The following PPP2R2B variants were observed in gnomAD, a reference collection of about 807,000 sequenced individuals.
PPP2R2B encodes the protein serine/threonine-protein phosphatase 2A 55 kDa regulatory subunit B beta isoform.
In PPP2R2B, 5 loss-of-function variants were observed where a neutral mutation model predicts 46.0. The observed-to-expected ratio is 0.11, with a 90% CI of 0.06 to 0.23. The LOEUF (loss-of-function observed/expected upper bound fraction) is 0.23, where lower values mean the gene tolerates loss of function less well. PPP2R2B is among the 10% of genes least tolerant of loss of function. PPP2R2B has a pLI of 1.00. For synonymous variants in PPP2R2B, 215 were observed against 206.7 expected (o/e 1.04, Z -0.34); for missense variants, 367 against 575.0 (o/e 0.64, Z 3.70).
intron 1 of PPP2R2B, among the ~76,000 whole-genome samples, chr5:146,964,412 G>A (rs1752313447): frequency 6.6e-6 from 1 of 151,802 alleles, no homozygotes; most frequent in East Asian, 2.0e-4. Context: ...GTTTGACTTG[G>A]TGCTTCGCAG....
At position 146,589,914 on chromosome 5, in the gene PPP2R2B, G is replaced by T; in HGVS notation, c.*33C>A. ...TAAAAACTTGTTTGACTAGTATTCA[G>T]TATGTGAGATTATTAAGTAATAACT... is the stretch of plus-strand genomic sequence containing the variant. On this transcript the variant is annotated 3_prime_UTR_variant, in exon 10 of 10. Transcript: ENST00000394411. The T allele has an allele frequency of 6.3e-7, 1 of 1,594,004 alleles. No homozygotes were observed. Among genetic ancestry groups the T allele is most frequent in the Non-Finnish European group, 8.6e-7 (1 of 1,163,376 alleles).
At chr5:147,044,336 G>T (rs1756454831) in intron 1 of PPP2R2B, among the ~76,000 whole-genome samples, 2 of 152,128 alleles carry the variant, frequency 1.3e-5, no homozygotes, top group African/African-American at 4.8e-5. Context: ...TTGCTATCTG[G>T]TCAGGAATGT....
At position 146,912,753 on chromosome 5, in the gene PPP2R2B, C is replaced by G. The variant is rs138257589; in HGVS notation, c.79+142912G>C. ...TGAACTCCTGACCTTGTGATCCGCTCGCTTCGGCCTCCCAAAGTGCTGGGA... is the reference window on the plus strand; with the variant it reads ...TGAACTCCTGACCTTGTGATCCGCTGGCTTCGGCCTCCCAAAGTGCTGGGA... On this transcript the variant is annotated intron_variant, in intron 1 of 8. Transcript: ENST00000336640. Among the ~76,000 whole-genome samples, 150 of 152,156 alleles carry G rather than the reference C, an allele frequency of 9.9e-4. 2 individuals are homozygous for G. In the East Asian group the frequency reaches 0.025, roughly 25 times the overall value.
chr5:146,927,705 C>A (rs925695276), intron 1 of PPP2R2B, among the ~76,000 whole-genome samples: 28 of 151,926 alleles, frequency 1.8e-4, no homozygotes, highest in Admixed American at 1.7e-3. Flanking sequence ...TTATATGGAT[C>A]AGAAGATGAG....
intron 2 of PPP2R2B, among the ~76,000 whole-genome samples, chr5:146,708,389 C>A (rs2151177920): frequency 7.5e-6 from 1 of 133,394 alleles, no homozygotes; most frequent in South Asian, 2.5e-4. Flanking sequence ...ATCTGTATAT[C>A]TATGTATGTG....
intron 1 of PPP2R2B, among the ~76,000 whole-genome samples, chr5:146,934,526 G>A (rs2151824471): frequency 6.9e-6 from 1 of 145,310 alleles, no homozygotes; most frequent in Middle Eastern, 3.6e-3. Context: ...TTTTGATGGG[G>A]TTGGACAAAC....
chr5:146,660,139 A>T (rs541724223), intron 5 of PPP2R2B, among the ~76,000 whole-genome samples: 1 of 152,278 alleles, frequency 6.6e-6, no homozygotes, highest in South Asian at 2.1e-4. Flanking sequence ...CCAATTATCA[A>T]AGCAACCTGG....
At chr5:146,815,148 C>G (rs933914301) in intron 2 of PPP2R2B, among the ~76,000 whole-genome samples, 1 of 152,206 alleles carries the variant, frequency 6.6e-6, no homozygotes, top group Non-Finnish European at 1.5e-5. Context: ...CTGGCACTGC[C>G]TACACTAGTC....
intron 2 of PPP2R2B, among the ~76,000 whole-genome samples, chr5:146,809,237 G>C (rs1215807760): frequency 6.6e-6 from 1 of 152,104 alleles, no homozygotes; most frequent in Non-Finnish European, 1.5e-5. Flanking sequence ...GCAAATAATG[G>C]AGACAGAAAT....
intron 2 of PPP2R2B, among the ~76,000 whole-genome samples, chr5:146,780,077 C>T (rs1485902029): frequency 6.6e-6 from 1 of 152,128 alleles, no homozygotes; most frequent in Admixed American, 6.5e-5. Flanking sequence ...AAATTTTTCT[C>T]CACTACAGTA....
intron 1 of PPP2R2B, among the ~76,000 whole-genome samples, chr5:147,017,431 A>G (rs1050863847): frequency 1.3e-5 from 2 of 151,526 alleles, no homozygotes; most frequent in Non-Finnish European, 2.9e-5. Context: ...CGAGCTGGAG[A>G]TAACATTTGT....
At chr5:146,847,281 C>T (rs1462959926) in intron 2 of PPP2R2B, among the ~76,000 whole-genome samples, 1 of 152,182 alleles carries the variant, frequency 6.6e-6, no homozygotes, top group East Asian at 1.9e-4. Context: ...TCAATTCAGC[C>T]TTTAATTCCT....
chr5:146,960,490 A>G (rs969149397), intron 1 of PPP2R2B, among the ~76,000 whole-genome samples: 1 of 152,112 alleles, frequency 6.6e-6, no homozygotes, highest in Non-Finnish European at 1.5e-5. Flanking sequence ...GGGTTTCACC[A>G]TGTTGGTCAG....
At chr5:147,075,568 A>T (rs1481906505) in intron 2 of PPP2R2B, among the ~76,000 whole-genome samples, 1 of 152,050 alleles carries the variant, frequency 6.6e-6, no homozygotes, top group Non-Finnish European at 1.5e-5. Flanking sequence ...ATACCTTTGT[A>T]CCTCATAGCT....
chr5:146,781,131 G>GATATATATATAC (rs1755487277), intron 2 of PPP2R2B, among the ~76,000 whole-genome samples: 1 of 49,462 alleles, frequency 2.0e-5, no homozygotes, highest in Admixed American at 2.7e-4. Flanking sequence ...ATGCCACCAT[G>GATATATATATAC]ATATATATAT....
intron 2 of PPP2R2B, among the ~76,000 whole-genome samples, chr5:146,849,014 TC>T (rs1760180695): frequency 6.6e-6 from 1 of 152,212 alleles, no homozygotes; most frequent in Non-Finnish European, 1.5e-5. Flanking sequence ...TTGACATACC[TC>T]CATCAGTGCA....
intron 5 of PPP2R2B, among the ~76,000 whole-genome samples, chr5:146,687,127 A>T (rs1185466152): frequency 6.6e-6 from 1 of 151,722 alleles, no homozygotes; most frequent in Non-Finnish European, 1.5e-5. Context: ...GGAGCGATTG[A>T]TCGATTAATC....
In PPP2R2B at chr5:146,695,623, C is replaced by CT. The variant is rs560550293; in HGVS notation, c.334+2355dup. On this transcript the variant is annotated intron_variant, in intron 4 of 9. Coordinates refer to ENST00000394411, the MANE Select transcript of PPP2R2B (RefSeq NM_181675.4). Reference sequence around the variant, plus strand: ...AGTCATTCTTGACTTTATTATCACACTTTTTTTCTTGACTCAGTATCTTGA... The same window carrying CT: ...AGTCATTCTTGACTTTATTATCACACTTTTTTTTCTTGACTCAGTATCTTGA... Among the ~76,000 whole-genome samples the CT allele has an allele frequency of 3.0e-3, 458 of 152,248 alleles. 7 individuals are homozygous for CT. The highest frequency in any genetic ancestry group is 0.01 in the African/African-American group (431 of 41,558).
At chr5:146,880,847 A>T (rs1762142987), upstream of PPP2R2B, among the ~76,000 whole-genome samples, 1 of 152,218 alleles carries the variant, frequency 6.6e-6, no homozygotes, top group African/African-American at 2.4e-5. Context: ...TTCCTAAGAC[A>T]CATGTTCTGA....
Sources: allele counts gnomAD v4.1 joint callset (sites outside exome capture counted in the v4.1 genomes callset), GRCh38; gene constraint gnomAD v4.1.1; transcripts MANE v1.5; gene names NCBI Gene and HGNC (gene_info 2026-07-23, HGNC 2026-07-21).